The following CFAP65 variants were observed in gnomAD, a reference collection of about 807,000 sequenced individuals.
The protein encoded by CFAP65 is cilia- and flagella-associated protein 65.
In CFAP65, 155 loss-of-function variants were observed where a neutral mutation model predicts 208.0. The ratio of observed to expected loss-of-function variants is 0.75; its 90% CI spans 0.65 to 0.85. The LOEUF is 0.85. CFAP65 is among the 40% of genes least tolerant of loss of function. The pLI is 0.00. For missense variants in CFAP65, 2,294 were observed against 2,451.3 expected (o/e 0.94, Z 1.36); for synonymous variants, 970 against 986.3 (o/e 0.98, Z 0.31).
Position 219,029,456 on chromosome 2 carries a change from G to C in CFAP65, c.1597C>G (p.Pro533Ala). 1 of 1,614,114 alleles carries C rather than the reference G, an allele frequency of 6.2e-7. No individual in the cohort carries two copies. Among genetic ancestry groups the C allele is most frequent in the Non-Finnish European group, 8.5e-7 (1 of 1,179,996 alleles). ...CGAAAGCAGATGATGGGGTGAGTGGGCTGGAAGGCACAGTGCAGGGTCATA... is the reference window on the plus strand; with the variant it reads ...CGAAAGCAGATGATGGGGTGAGTGGCCTGGAAGGCACAGTGCAGGGTCATA... Reference protein sequence around the residue: ...ARMTLHCAFQPTHPIICFRRV... With the variant: ...ARMTLHCAFQATHPIICFRRV... Residue 533 changes from proline to alanine, a missense_variant, in exon 11 of 35, where the codon CCC (proline) becomes GCC (alanine). By Grantham distance (27) the Pro-to-Ala change is conservative. Around this residue, in one of 2 missense-constraint regions of CFAP65, gnomAD observed 867 missense variants for 1,012.6 expected, o/e 0.86. Transcript: ENST00000341552.
In CFAP65 at chr2:219,009,465, TG is replaced by T; in HGVS notation, c.4453-6del. 6.3e-7 allele frequency: 1 copy of T among 1,596,636 alleles called. No individual in the cohort carries two copies. The highest frequency in any genetic ancestry group is 1.1e-5 in the South Asian group (1 of 90,774). On this transcript the variant is annotated splice_region_variant and splice_polypyrimidine_tract_variant and intron_variant, in intron 27 of 34. Transcript: ENST00000341552. Reference sequence around the variant, plus strand: ...TATCATGGGACTCACAGACACCTGTTGATTTGGGGAAGGAGTCTCTGGAGAT... The same window carrying T: ...TATCATGGGACTCACAGACACCTGTTATTTGGGGAAGGAGTCTCTGGAGAT...
In CFAP65 at chr2:219,030,728, G is replaced by C; in HGVS notation, c.1122C>G (p.Cys374Trp). 1 of 1,614,210 alleles carries C rather than the reference G, an allele frequency of 6.2e-7. No homozygotes were observed. Among genetic ancestry groups the C allele is most frequent in the African/African-American group, 1.3e-5 (1 of 75,076 alleles). Residue 374 changes from cysteine (C) to tryptophan (W), a missense_variant, in exon 9 of 35, where the codon TGC (cysteine) becomes TGG (tryptophan). This residue lies in a region of CFAP65 where 867 missense variants were observed against 1,012.6 expected (regional missense o/e 0.86). Transcript: ENST00000341552. ...GTAGCCTGATCTGCCTCTCCGAGGT[G>C]CAGCCCACAGCAACAGAGCCAAAGT... ...LLYFGSVAVG[C>W]TSERQIRLHN...
In CFAP65 at chr2:219,002,859, C is replaced by T. The variant is rs1945668662; in HGVS notation, c.*78G>A. ...AGTCAAGGTAGATACAGAAAAAAGA[C>T]TAGATGCTTTTACTGGCGGTGGAGA... On this transcript the variant is annotated 3_prime_UTR_variant, in exon 35 of 35. Transcript: ENST00000341552. This position sits in a 1 kb window ranked among gnomAD's most constrained non-coding sequence, Gnocchi z 7.9. The T allele has an allele frequency of 7.7e-7, 1 of 1,290,784 alleles. No individual in the cohort carries two copies. Among genetic ancestry groups the T allele is most frequent in the Non-Finnish European group, 1.1e-6 (1 of 910,384 alleles). The allele number at this position is 1,290,784 out of a possible 1,614,324, so 80.0% of individuals were successfully genotyped here.
intron 21 of CFAP65, chr2:219,018,443 G>A (rs949811014): frequency 3.3e-5 from 5 of 152,566 alleles, no homozygotes; most frequent in African/African-American, 9.7e-5. Flanking sequence ...CCCCACCAGA[G>A]ACCCTCAACT....
Position 219,027,966 on chromosome 2 carries a change from G to T in CFAP65, c.1895C>A (p.Pro632His), listed in dbSNP as rs759891561. The T allele has an allele frequency of 1.2e-4, 188 of 1,520,344 alleles. No individual in the cohort carries two copies. The highest frequency in any genetic ancestry group is 1.6e-4 in the Non-Finnish European group (181 of 1,135,104). 94.2% of individuals were successfully genotyped at this position (1,520,344 alleles called of 1,614,324 possible). ...MPAPQYPYIPPMTEFFFDGTS... is the reference protein window; with the variant it reads ...MPAPQYPYIPHMTEFFFDGTS... Reference sequence around the variant, plus strand: ...GCCGTCGAAGAAGAACTCGGTCATGGGGGGGATATAAGGGTACTGCGGGGC... The same window carrying T: ...GCCGTCGAAGAAGAACTCGGTCATGTGGGGGATATAAGGGTACTGCGGGGC... The change falls in exon 13 of 35, where the codon CCC becomes CAC. Residue 632 changes from proline (P) to histidine (H), a missense_variant. Physicochemically the swap from Pro to His is moderately conservative, Grantham distance 77. Around this residue, in one of 2 missense-constraint regions of CFAP65, gnomAD observed 867 missense variants for 1,012.6 expected, o/e 0.86. Coordinates refer to ENST00000341552, the MANE Select transcript of CFAP65 (RefSeq NM_194302.4).
chr2:219,011,008 A>T lies in CFAP65; in HGVS notation c.3958-12T>A. ...TACAGCTCATAAATCTGCAGGGGGC[A>T]GGAATAGGAAAATTGCCACATCAGC... On this transcript the variant is annotated splice_polypyrimidine_tract_variant and intron_variant, in intron 24 of 34. Coordinates refer to ENST00000341552, the MANE Select transcript of CFAP65 (RefSeq NM_194302.4). The T allele has an allele frequency of 6.3e-7, 1 of 1,589,364 alleles. No homozygotes were observed. Among genetic ancestry groups the T allele is most frequent in the Non-Finnish European group, 8.6e-7 (1 of 1,161,910 alleles).
At chr2:219,009,544 G>A in intron 27 of CFAP65, 84 bp from the exon 28 acceptor site, 1 of 890,506 alleles carries the variant, frequency 1.1e-6, no homozygotes, top group Non-Finnish European at 1.9e-6. Context: ...GATGAGATGG[G>A]ACAGGATAAG....
rs746043657 is a variant in CFAP65, at chr2:219,023,304, C to T, written c.2723G>A (p.Arg908His). The T allele has an allele frequency of 1.4e-5, 22 of 1,613,166 alleles. No individual in the cohort carries two copies. The highest frequency in any genetic ancestry group is 2.2e-5 in the East Asian group (1 of 44,886). Residue 908 changes from arginine (R) to histidine (H), a missense_variant, in exon 16 of 35, where the codon CGT becomes CAT. By Grantham distance (29) the Arg-to-His change is conservative. Around this residue, in one of 2 missense-constraint regions of CFAP65, gnomAD observed 1,427 missense variants for 1,438.7 expected, o/e 0.99. Transcript: ENST00000341552. ...TSPFTFRNPS[R>H]LPLQFEWRVS... Reference sequence around the variant, plus strand: ...CCTCCACTCGAACTGCAGGGGCAGACGCGAGGGGTTGCGGAAGGTGAAGGG... The same window carrying T: ...CCTCCACTCGAACTGCAGGGGCAGATGCGAGGGGTTGCGGAAGGTGAAGGG...
chr2:219,010,250 T>A (rs547110998), intron 26 of CFAP65, among the ~76,000 whole-genome samples, 165 bp from the exon 27 acceptor site: 1 of 152,126 alleles, frequency 6.6e-6, no homozygotes, highest in African/African-American at 2.4e-5. Flanking sequence ...CCCACTCCTA[T>A]GCCATCTCTT....
rs546803115 is a variant in CFAP65 at position 219,004,833 on chromosome 2, G to A, written c.5052-378C>T. On this transcript the variant is annotated intron_variant, in intron 32 of 34. Coordinates refer to ENST00000341552, the MANE Select transcript of CFAP65 (RefSeq NM_194302.4). The surrounding 1 kb of genome is among the most constrained non-coding windows in gnomAD (Gnocchi z 4.7). ...CACTGTCCTGGGGTGGGGGGGCCGG[G>A]GGGGGGGACCGTGGTGGGATCTTGC... Among the ~76,000 whole-genome samples, 7 of 146,120 alleles carry A rather than the reference G, an allele frequency of 4.8e-5. No individual in the cohort carries two copies. Among genetic ancestry groups the A allele is most frequent in the South Asian group, 2.3e-4 (1 of 4,364 alleles).
At chr2:219,036,470 A>T (rs1948370147) in intron 4 of CFAP65, among the ~76,000 whole-genome samples, 1 of 149,098 alleles carries the variant, frequency 6.7e-6, no homozygotes, top group African/African-American at 2.5e-5. Flanking sequence ...TAATTGTAAG[A>T]GTCTCGCTTT....
intron 5 of CFAP65, chr2:219,034,079 CT>C (rs1948212572): frequency 6.6e-6 from 1 of 152,108 alleles, no homozygotes; most frequent in African/African-American, 2.4e-5. Context: ...ATGGAGAAAA[CT>C]TTACACTCTA....
Position 219,004,135 on chromosome 2 carries a change from C to A in CFAP65, c.5372G>T (p.Gly1791Val). ...EEEETEEEEL[G>V]KEEIEEKEEE... ...CTCCTTCTCCTCTATCTCCTCCTTG[C>A]CCAACTCCTCCTCTTCTGTCTCCTC... The change falls in exon 33 of 35, where the codon GGC becomes GTC. Residue 1791 changes from glycine to valine, a missense_variant. Physicochemically the swap from Gly to Val is moderately radical, Grantham distance 109. Coordinates refer to ENST00000341552, the MANE Select transcript of CFAP65 (RefSeq NM_194302.4). The surrounding 1 kb of genome is among the most constrained non-coding windows in gnomAD (Gnocchi z 4.7). 1.9e-6 allele frequency: 3 copies of A among 1,613,908 alleles called. No homozygotes were observed. Among genetic ancestry groups the A allele is most frequent in the Non-Finnish European group, 2.5e-6 (3 of 1,180,000 alleles).
At chr2:219,039,137 T>C in intron 2 of CFAP65, 87 bp from the exon 3 acceptor site, 1 of 1,177,658 alleles carries the variant, frequency 8.5e-7, no homozygotes, top group South Asian at 1.5e-5. Flanking sequence ...TATGCAAATA[T>C]ATGTGGCACA....
At chr2:219,018,723 A>G in intron 21 of CFAP65, 1 of 302,994 alleles carries the variant, frequency 3.3e-6, no homozygotes, top group Non-Finnish European at 6.3e-6. Flanking sequence ...TTGGAGGAGA[A>G]AAGACTTGTA....
intron 12 of CFAP65, 39 bp from the exon 13 acceptor site, chr2:219,028,048 A>G (rs764409498): frequency 6.6e-7 from 1 of 1,521,236 alleles, no homozygotes; most frequent in Admixed American, 2.2e-5. Context: ...CTCAACTGCC[A>G]TTCCTCTTGC....
At position 219,026,755 on chromosome 2, in the gene CFAP65, C is replaced by G. The variant is rs1033597437; in HGVS notation, c.2212-596G>C. ...AGTAGCCACGTGTGGCTGTCAGTGGCTGTACTGGACTGTGCAGGTCTAGAG... is the reference window on the plus strand; with the variant it reads ...AGTAGCCACGTGTGGCTGTCAGTGGGTGTACTGGACTGTGCAGGTCTAGAG... On this transcript the variant is annotated intron_variant, in intron 13 of 34. Coordinates refer to ENST00000341552, the MANE Select transcript of CFAP65 (RefSeq NM_194302.4). 3 of 985,422 alleles carry G rather than the reference C, an allele frequency of 3.0e-6. No homozygotes were observed. In the African/African-American group the frequency reaches 5.2e-5, roughly 17 times the overall value. The allele number at this position is 985,422 out of a possible 1,614,324, so 61.0% of individuals were successfully genotyped here.
At chr2:219,038,330 T>C (rs1313828733) in intron 4 of CFAP65, 45 bp downstream of exon 4, 2 of 1,588,290 alleles carry the variant, frequency 1.3e-6, no homozygotes, top group Non-Finnish European at 1.7e-6. Context: ...TGCCCCGCCC[T>C]GGCCCTGCCA....
rs1316825551 is a variant in CFAP65, at chr2:219,024,080, C to G, written c.2530G>C (p.Glu844Gln). 2 of 1,614,096 alleles carry G rather than the reference C, an allele frequency of 1.2e-6. No homozygotes were observed. ...HQIILICTYP[E>Q]GSSWKQHTFY... Reference sequence around the variant, plus strand: ...GTGTGCTGCTTCCAGGAGCTGCCCTCAGGGTAGGTGCAGATGAGGATGATC... The same window carrying G: ...GTGTGCTGCTTCCAGGAGCTGCCCTGAGGGTAGGTGCAGATGAGGATGATC... The change falls in exon 15 of 35, where the codon GAG (glutamate) becomes CAG (glutamine). Residue 844 changes from glutamate to glutamine, a missense_variant. Physicochemically the swap from Glu to Gln is conservative, Grantham distance 29. Around this residue, in one of 2 missense-constraint regions of CFAP65, gnomAD observed 1,427 missense variants for 1,438.7 expected, o/e 0.99. Coordinates refer to ENST00000341552, the MANE Select transcript of CFAP65 (RefSeq NM_194302.4).
Sources: gnomAD v4.1 joint callset for allele counts (sites outside exome capture counted in the v4.1 genomes callset) on GRCh38, gnomAD v4.1.1 for gene constraint, gnomAD v4.1.1 regional missense constraint, Gnocchi (gnomAD v3.1) non-coding constraint, MANE v1.5 for transcripts, NCBI Gene and HGNC (gene_info 2026-07-23, HGNC 2026-07-21) for gene names.